The following KLRG1 variants were observed in gnomAD, a reference collection of about 807,000 sequenced individuals.
The protein encoded by KLRG1 is killer cell lectin-like receptor subfamily G member 1.
Under a neutral mutation model 21.8 loss-of-function variants are expected in KLRG1, and 16 were observed. That is an observed-to-expected ratio of 0.73 (90% CI 0.50 to 1.11). The LOEUF (loss-of-function observed/expected upper bound fraction) is 1.11, where lower values mean the gene tolerates loss of function less well. Ranked by LOEUF, KLRG1 falls within the 50% of genes most tolerant of loss-of-function variation. KLRG1 has a pLI of 0.00. For missense variants in KLRG1, 173 were observed against 218.3 expected, an observed-to-expected ratio of 0.79 and a Z score of 1.31; for synonymous variants, 69 against 75.9, an observed-to-expected ratio of 0.91 and a Z score of 0.47.
At chr12:9,019,809 C>T in the KLRG1 span, among the ~76,000 whole-genome samples, 169 of 152,070 alleles carry the variant, frequency 1.1e-3, 3 homozygotes, top group African/African-American at 3.9e-3. Flanking sequence ...TGGTCTGGAA[C>T]TCCTGGGCTT....
At chr12:9,007,897 A>C (rs1947518211) in intron 3 of KLRG1, among the ~76,000 whole-genome samples, 1 of 152,202 alleles carries the variant, frequency 6.6e-6, no homozygotes, top group Non-Finnish European at 1.5e-5. Flanking sequence ...ATTACCTTGG[A>C]TTATCTTTCT....
At chr12:9,047,666 A>T in the KLRG1 span, among the ~76,000 whole-genome samples, 1 of 152,176 alleles carries the variant, frequency 6.6e-6, no homozygotes, top group African/African-American at 2.4e-5. Context: ...CAAAAAACTC[A>T]CTGTAAATAT....
At chr12:9,113,319 C>T in the KLRG1 span, 43 of 1,602,980 alleles carry the variant, frequency 2.7e-5, no homozygotes, top group Non-Finnish European at 3.4e-5. Flanking sequence ...ATGACCCTGA[C>T]TAAAAGAACC....
chr12:9,165,936 G>A, the KLRG1 span: 3 of 1,276,960 alleles, frequency 2.3e-6, no homozygotes, highest in African/African-American at 4.5e-5. Context: ...ATCCTAAAGA[G>A]GAAGAGGTTA....
the KLRG1 span, among the ~76,000 whole-genome samples, chr12:9,025,769 A>T: frequency 6.6e-6 from 1 of 152,198 alleles, no homozygotes; most frequent in Non-Finnish European, 1.5e-5. Context: ...CCCCTTCCCC[A>T]TGGAAGAAGG....
the KLRG1 span, among the ~76,000 whole-genome samples, chr12:9,056,559 TGG>T: frequency 0.43 from 65,069 of 150,902 alleles, 14,381 homozygotes; most frequent in African/African-American, 0.51. Flanking sequence ...AAATTTTACT[TGG>T]GGGGTGTGTG....
At chr12:9,041,242 G>C in the KLRG1 span, among the ~76,000 whole-genome samples, 1 of 152,296 alleles carries the variant, frequency 6.6e-6, no homozygotes, top group East Asian at 1.9e-4. Flanking sequence ...GGCTGAGGCA[G>C]GAGAATCACT....
At chr12:9,053,175 G>A in the KLRG1 span, among the ~76,000 whole-genome samples, 1 of 151,156 alleles carries the variant, frequency 6.6e-6, no homozygotes, top group Non-Finnish European at 1.5e-5. Context: ...GTCCTAGTCT[G>A]AGTGTGAGTG....
the KLRG1 span, among the ~76,000 whole-genome samples, chr12:9,178,582 T>G: frequency 6.6e-6 from 1 of 152,240 alleles, no homozygotes; most frequent in Non-Finnish European, 1.5e-5. Context: ...GAACGAATCT[T>G]CTATCTATCA....
At chr12:9,093,082 G>A in the KLRG1 span, among the ~76,000 whole-genome samples, 1 of 152,208 alleles carries the variant, frequency 6.6e-6, no homozygotes, top group Non-Finnish European at 1.5e-5. Context: ...GTAGAAAGGT[G>A]GTTGGGGTTG....
chr12:9,043,091 T>A, the KLRG1 span, among the ~76,000 whole-genome samples: 1 of 151,434 alleles, frequency 6.6e-6, no homozygotes, highest in Non-Finnish European at 1.5e-5. Context: ...TTTTTTTTTT[T>A]TTGAGATGGA....
chr12:9,067,725 G>C, the KLRG1 span: 1 of 1,030,406 alleles, frequency 9.7e-7, no homozygotes, highest in East Asian at 2.5e-5. Flanking sequence ...ACCAGAAAAA[G>C]TGTTTATTCA....
the KLRG1 span, among the ~76,000 whole-genome samples, chr12:9,051,312 G>A: frequency 6.6e-6 from 1 of 152,110 alleles, no homozygotes; most frequent in Non-Finnish European, 1.5e-5. Context: ...GAGGCCAGCT[G>A]CAGAGAGGAG....
At chr12:9,135,474 G>T in the KLRG1 span, 1 of 369,436 alleles carries the variant, frequency 2.7e-6, no homozygotes, top group South Asian at 2.7e-5. Flanking sequence ...CACCAGCAGG[G>T]GGTAGCACTC....
rs1327221005 is a variant in KLRG1, at chr12:8,989,632, GA to G, written c.-2del. 6.3e-7 allele frequency: 1 copy of G among 1,592,454 alleles called. No homozygotes were observed. Among genetic ancestry groups the G allele is most frequent in the Admixed American group, 1.7e-5 (1 of 59,228 alleles). ...CAACTGCATGTGAAAGATCTTAGCT[GA>G]AGATGACTGACAGTGTTATTTATTC... is the stretch of plus-strand genomic sequence containing the variant. On this transcript the variant is annotated 5_prime_UTR_variant, in exon 1 of 5. Transcript: ENST00000356986.
chr12:9,192,773 T>A, the KLRG1 span: 1 of 1,432,206 alleles, frequency 7.0e-7, no homozygotes, highest in Non-Finnish European at 9.8e-7. Context: ...AAGAATACTG[T>A]CTTGAAATTC....
At chr12:9,154,615 C>T in the KLRG1 span, 2 of 1,613,840 alleles carry the variant, frequency 1.2e-6, no homozygotes, top group Non-Finnish European at 1.7e-6. Flanking sequence ...GAACCACTGA[C>T]CTGGGTGGAG....
At chr12:9,147,071 C>T in the KLRG1 span, among the ~76,000 whole-genome samples, 5 of 152,230 alleles carry the variant, frequency 3.3e-5, no homozygotes, top group Admixed American at 2.6e-4. Context: ...CTGAGCTCCC[C>T]GACTGGCAAG....
chr12:9,021,710 T>A, the KLRG1 span, among the ~76,000 whole-genome samples: 27 of 152,246 alleles, frequency 1.8e-4, no homozygotes, highest in Admixed American at 1.5e-3. Context: ...AACTTTTTTT[T>A]AAAAAACAAG....
Sources: allele counts gnomAD v4.1 joint callset (sites outside exome capture counted in the v4.1 genomes callset), GRCh38; gene constraint gnomAD v4.1.1; transcripts MANE v1.5; gene names NCBI Gene and HGNC (gene_info 2026-07-23, HGNC 2026-07-21).